Variants in WDPCP observed in about 807,000 individuals in gnomAD.
WDPCP encodes the protein WD repeat containing planar cell polarity effector.
A neutral mutation model predicts 93.1 loss-of-function variants in WDPCP; 71 were observed. The ratio of observed to expected loss-of-function variants is 0.76; its 90% CI spans 0.63 to 0.93. The LOEUF is 0.93. Ranked by LOEUF, WDPCP falls within the 40% of genes least tolerant of loss-of-function variation. The pLI, the probability that WDPCP is intolerant of heterozygous loss-of-function variation, is 0.00. For synonymous variants in WDPCP, 315 were observed against 315.0 expected, an observed-to-expected ratio of 1.00 and a Z score of 0.00; for missense variants, 844 against 887.4, an observed-to-expected ratio of 0.95 and a Z score of 0.62.
chr2:63,354,676 G>T (rs1394519479), intron 12 of WDPCP, among the ~76,000 whole-genome samples: 4 of 151,804 alleles, frequency 2.6e-5, no homozygotes, highest in African/African-American at 9.7e-5. Context: ...ATATGTGTGT[G>T]TGTGTACATA....
At chr2:63,624,852 C>T (rs948544599) in intron 3 of WDPCP, among the ~76,000 whole-genome samples, 1 of 152,180 alleles carries the variant, frequency 6.6e-6, no homozygotes, top group African/African-American at 2.4e-5. Context: ...CATCCTGATA[C>T]CAAAACCTGG....
intron 9 of WDPCP, among the ~76,000 whole-genome samples, chr2:63,430,558 T>C (rs1325120349): frequency 6.6e-6 from 1 of 152,236 alleles, no homozygotes; most frequent in Non-Finnish European, 1.5e-5. Flanking sequence ...TTAGACTACA[T>C]AATTCTCTCT....
chr2:63,501,591 A>T (rs915546140), intron 1 of WDPCP, among the ~76,000 whole-genome samples: 1 of 152,232 alleles, frequency 6.6e-6, no homozygotes, highest in East Asian at 1.9e-4. Context: ...TTTTAAATGC[A>T]TTAGGCCTCT....
intron 3 of WDPCP, among the ~76,000 whole-genome samples, chr2:63,640,598 A>C (rs2106634420): frequency 6.6e-6 from 1 of 152,340 alleles, no homozygotes; most frequent in South Asian, 2.1e-4. Flanking sequence ...CACCAGGTGA[A>C]TAATTGGTTT....
At chr2:63,277,453 A>G (rs1411512645) in intron 13 of WDPCP, among the ~76,000 whole-genome samples, 1 of 152,240 alleles carries the variant, frequency 6.6e-6, no homozygotes, top group Admixed American at 6.5e-5. Flanking sequence ...TAAAAGATAC[A>G]GAATGGCAGA....
chr2:63,402,683 C>T (rs1338179280), intron 10 of WDPCP, among the ~76,000 whole-genome samples: 2 of 152,118 alleles, frequency 1.3e-5, no homozygotes, highest in African/African-American at 4.8e-5. Flanking sequence ...TGCTCTGTCG[C>T]CCAGGCTGGA....
intron 14 of WDPCP, among the ~76,000 whole-genome samples, chr2:63,221,688 T>C (rs1466421453): frequency 1.3e-5 from 2 of 152,156 alleles, no homozygotes; most frequent in Non-Finnish European, 2.9e-5. Flanking sequence ...TAACTTCCCC[T>C]CCATTTCCTG....
At chr2:63,214,575 C>A (rs1001947206) in intron 14 of WDPCP, among the ~76,000 whole-genome samples, 1 of 152,132 alleles carries the variant, frequency 6.6e-6, no homozygotes, top group African/African-American at 2.4e-5. Flanking sequence ...GACAGAGATG[C>A]CCTCTCTCAC....
At chr2:63,205,046 C>T (rs1049942042) in intron 14 of WDPCP, among the ~76,000 whole-genome samples, 4 of 152,140 alleles carry the variant, frequency 2.6e-5, no homozygotes, top group Non-Finnish European at 5.9e-5. Context: ...GGTTTAGTTT[C>T]ATTCTTCTAC....
At chr2:63,710,576 A>G (rs1322309169) in intron 2 of WDPCP, among the ~76,000 whole-genome samples, 2 of 152,206 alleles carry the variant, frequency 1.3e-5, no homozygotes, top group Non-Finnish European at 2.9e-5. Context: ...TTAATGGACC[A>G]AGAGATCTCT....
chr2:63,791,077 C>T (rs188968544), intron 2 of WDPCP, among the ~76,000 whole-genome samples: 5 of 152,312 alleles, frequency 3.3e-5, no homozygotes, highest in African/African-American at 1.2e-4. Context: ...CTGCTCAGCA[C>T]ATTTTTTCTC....
intron 14 of WDPCP, among the ~76,000 whole-genome samples, chr2:63,202,359 G>A (rs1675979850): frequency 6.6e-6 from 1 of 151,902 alleles, no homozygotes; most frequent in Admixed American, 6.6e-5. Flanking sequence ...TATGATTGAA[G>A]TTTCATTTGT....
chr2:63,315,746 A>G (rs1686584386), intron 12 of WDPCP, among the ~76,000 whole-genome samples: 1 of 148,846 alleles, frequency 6.7e-6, no homozygotes, highest in Non-Finnish European at 1.5e-5. Flanking sequence ...CTAATTATTG[A>G]AGTTAAATAA....
intron 14 of WDPCP, among the ~76,000 whole-genome samples, chr2:63,214,915 A>T (rs1290415961): frequency 1.3e-5 from 2 of 152,192 alleles, no homozygotes; most frequent in African/African-American, 2.4e-5. Context: ...CCAACTTACA[A>T]GGGATGGGAA....
intron 2 of WDPCP, among the ~76,000 whole-genome samples, chr2:63,782,027 C>G (rs1670402053): frequency 6.6e-6 from 1 of 152,144 alleles, no homozygotes; most frequent in Non-Finnish European, 1.5e-5. Context: ...TCCTTCCCCT[C>G]TTTTCAGTGT....
chr2:63,829,638 C>T (rs560714313), upstream of WDPCP, among the ~76,000 whole-genome samples: 1 of 152,162 alleles, frequency 6.6e-6, no homozygotes, highest in South Asian at 2.1e-4. Context: ...TAGAAAGTGT[C>T]TCCTGACTTT....
At chr2:63,313,371 C>T (rs1686330446) in intron 12 of WDPCP, 60 bp from the exon 13 acceptor site, 1 of 1,494,076 alleles carries the variant, frequency 6.7e-7, no homozygotes, top group Admixed American at 1.7e-5. Context: ...AAGAAAAGAG[C>T]TGTTTATTTA....
At chr2:63,577,631 T>C (rs542407822) in intron 1 of WDPCP, among the ~76,000 whole-genome samples, 1 of 152,258 alleles carries the variant, frequency 6.6e-6, no homozygotes, top group South Asian at 2.1e-4. Context: ...TATCTGAAAA[T>C]AATCAAATAA....
chr2:63,793,233 T>G (rs940892846), intron 2 of WDPCP, among the ~76,000 whole-genome samples: 1 of 152,250 alleles, frequency 6.6e-6, no homozygotes, highest in East Asian at 1.9e-4. Context: ...GTGATCCTCT[T>G]GCCTCAGCCT....
Sources: gnomAD v4.1 joint callset for allele counts (sites outside exome capture counted in the v4.1 genomes callset) on GRCh38, gnomAD v4.1.1 for gene constraint, MANE v1.5 for transcripts, NCBI Gene and HGNC (gene_info 2026-07-23, HGNC 2026-07-21) for gene names.